LRP12: variants seen among roughly 807,000 people sequenced by gnomAD.
The protein encoded by LRP12 is low-density lipoprotein receptor-related protein 12.
LRP12 carries 14 observed loss-of-function variants against 66.0 expected under a neutral mutation model. That is an observed-to-expected ratio of 0.21 (90% confidence interval 0.14 to 0.33). The LOEUF is 0.33. Ranked by LOEUF, LRP12 falls within the 10% of genes least tolerant of loss-of-function variation. The pLI, the probability that LRP12 is intolerant of heterozygous loss-of-function variation, is 1.00. For synonymous variants in LRP12, 357 were observed against 359.1 expected (o/e 0.99, Z 0.07); for missense variants, 889 against 1,053.4 (o/e 0.84, Z 2.16).
chr8:104,586,973 C>G (rs1406224468), intron 1 of LRP12, among the ~76,000 whole-genome samples: 1 of 152,060 alleles, frequency 6.6e-6, no homozygotes, highest in Non-Finnish European at 1.5e-5. Context: ...ATTTGTGTTC[C>G]TCACTGAACA....
chr8:104,542,401 C>T (rs1811491869), intron 1 of LRP12, among the ~76,000 whole-genome samples: 1 of 152,142 alleles, frequency 6.6e-6, no homozygotes, highest in Admixed American at 6.5e-5. Context: ...ATATTGATCC[C>T]TTGGTTAGAT....
intron 1 of LRP12, among the ~76,000 whole-genome samples, chr8:104,557,669 C>A (rs1432643061): frequency 1.3e-5 from 2 of 152,100 alleles, no homozygotes; most frequent in African/African-American, 4.8e-5. Context: ...TAGGTATAAT[C>A]AACATTGTGA....
intron 1 of LRP12, among the ~76,000 whole-genome samples, chr8:104,550,406 G>A (rs1811708271): frequency 6.6e-6 from 1 of 152,136 alleles, no homozygotes; most frequent in Non-Finnish European, 1.5e-5. Context: ...TATGAAGGAG[G>A]TGTTAGTCCA....
At chr8:104,559,856 GA>G (rs1343668199) in intron 1 of LRP12, among the ~76,000 whole-genome samples, 8 of 151,170 alleles carry the variant, frequency 5.3e-5, no homozygotes, top group African/African-American at 1.9e-4. Context: ...TTCCCCAAAT[GA>G]AAAAAAAGAA....
At chr8:104,561,470 T>C (rs1811905870) in intron 1 of LRP12, among the ~76,000 whole-genome samples, 1 of 152,176 alleles carries the variant, frequency 6.6e-6, no homozygotes, top group Non-Finnish European at 1.5e-5. Flanking sequence ...ATCATTTCAT[T>C]AGGGTTGGCA....
chr8:104,586,118 A>G (rs559867074), intron 1 of LRP12, among the ~76,000 whole-genome samples: 2 of 152,362 alleles, frequency 1.3e-5, no homozygotes, highest in East Asian at 3.9e-4. Flanking sequence ...AAGATACAGT[A>G]GCCCCTGAAA....
At position 104,497,379 on chromosome 8, in the gene LRP12, CTCAGTA is replaced by C. The variant is rs1564129108; in HGVS notation, c.1167_1172del (p.Tyr389_Glu391delinsTer). The stretch of plus-strand genomic sequence containing the variant: ...GCCAATACCCATCACAACGCTGCTG[CTCAGTA>C]TAACACCCCCAGTTACCTCCACAGG... On this transcript the variant is annotated stop_gained and inframe_deletion, in exon 5 of 7. Coordinates refer to ENST00000276654, the MANE Select transcript of LRP12 (RefSeq NM_013437.5). LOFTEE classifies it high-confidence loss of function. The surrounding 1 kb of genome is among the most constrained non-coding windows in gnomAD (Gnocchi z 4.3). 1 of 1,613,948 alleles carries C rather than the reference CTCAGTA, an allele frequency of 6.2e-7. No homozygotes were observed. The highest frequency in any genetic ancestry group is 1.1e-5 in the South Asian group (1 of 91,036).
intron 1 of LRP12, among the ~76,000 whole-genome samples, chr8:104,550,542 T>C (rs1427062899): frequency 1.3e-5 from 2 of 152,188 alleles, no homozygotes; most frequent in East Asian, 1.9e-4. Context: ...CTTCCTCTTA[T>C]ATTCCTTACC....
intron 1 of LRP12, among the ~76,000 whole-genome samples, chr8:104,539,432 G>T (rs1038906284): frequency 2.6e-5 from 4 of 151,794 alleles, no homozygotes; most frequent in African/African-American, 9.7e-5. Flanking sequence ...GTACATAGGG[G>T]GTCATTATCC....
chr8:104,575,196 G>A (rs573666346), intron 1 of LRP12, among the ~76,000 whole-genome samples: 34 of 152,294 alleles, frequency 2.2e-4, no homozygotes, highest in Non-Finnish European at 3.8e-4. Context: ...AGGGCACAGA[G>A]AAGGAATCCA....
At chr8:104,511,169 G>A (rs866932502) in intron 2 of LRP12, among the ~76,000 whole-genome samples, 1 of 148,604 alleles carries the variant, frequency 6.7e-6, no homozygotes, top group African/African-American at 2.5e-5. Context: ...TCAGCCTCCC[G>A]AGTAAGTAGG....
intron 1 of LRP12, among the ~76,000 whole-genome samples, chr8:104,543,195 G>T (rs367970653): frequency 6.6e-6 from 1 of 151,920 alleles, no homozygotes; most frequent in South Asian, 2.1e-4. Flanking sequence ...TTGTTTTTCT[G>T]TTGTTGTTTT....
At chr8:104,503,526 A>T (rs747706312) in intron 3 of LRP12, among the ~76,000 whole-genome samples, 1 of 152,076 alleles carries the variant, frequency 6.6e-6, no homozygotes. Flanking sequence ...CTGTTGACAT[A>T]TTTGTGCTCT....
intron 1 of LRP12, among the ~76,000 whole-genome samples, chr8:104,576,941 G>C (rs1812173652): frequency 6.6e-6 from 1 of 152,054 alleles, no homozygotes; most frequent in South Asian, 2.1e-4. Flanking sequence ...AAAGAAAAAA[G>C]CAATCCTAGT....
chr8:104,563,596 G>T (rs549239293), intron 1 of LRP12, among the ~76,000 whole-genome samples: 107 of 152,176 alleles, frequency 7.0e-4, no homozygotes, highest in African/African-American at 2.1e-3. Flanking sequence ...AACTCCTAAG[G>T]TTATAGTATT....
In LRP12 at chr8:104,548,272, TA is replaced by T. The variant is rs1564141982; in HGVS notation, c.80-16310del. 2.0e-3 allele frequency among the ~76,000 whole-genome samples: 179 copies of T among 91,488 alleles called. 11 individuals are homozygous for T. Among genetic ancestry groups the T allele is most frequent in the African/African-American group, 9.7e-3 (173 of 17,820 alleles). 60.0% of individuals were successfully genotyped at this position (91,488 alleles called of 152,430 possible). ...ATATATTATATTAATATATGATATA[TA>T]TTATATTAATATATCATATATTTAT... On this transcript the variant is annotated intron_variant, in intron 1 of 6. Transcript: ENST00000276654.
At chr8:104,567,085 G>A (rs1195787473) in intron 1 of LRP12, among the ~76,000 whole-genome samples, 1 of 151,942 alleles carries the variant, frequency 6.6e-6, no homozygotes, top group Non-Finnish European at 1.5e-5. Flanking sequence ...TAAAAACAAG[G>A]ATATCCACTC....
intron 3 of LRP12, chr8:104,505,052 C>G (rs79496685): frequency 0.029 from 4,473 of 152,280 alleles, 217 homozygotes; most frequent in African/African-American, 0.1. Flanking sequence ...AAGTCTCATT[C>G]TTCCACCCAA....
At chr8:104,505,014 C>T (rs532825960) in intron 3 of LRP12, 2 of 152,004 alleles carry the variant, frequency 1.3e-5, no homozygotes, top group Non-Finnish European at 2.9e-5. Context: ...TTTTCTATCT[C>T]GTTTTGTTTT....
Sources: allele counts gnomAD v4.1 joint callset (sites outside exome capture counted in the v4.1 genomes callset), GRCh38; gene constraint gnomAD v4.1.1; non-coding constraint Gnocchi (gnomAD v3.1); transcripts MANE v1.5; gene names NCBI Gene and HGNC (gene_info 2026-07-23, HGNC 2026-07-21).